Variants in CNTLN observed in about 807,000 individuals in gnomAD.
The protein encoded by CNTLN is centlein, centrosomal protein.
A neutral mutation model predicts 180.0 loss-of-function variants in CNTLN; 212 were observed. The observed-to-expected ratio is 1.18, with a 90% CI of 1.05 to 1.32. CNTLN has a LOEUF of 1.32. Ranked by LOEUF, CNTLN falls within the 40% of genes most tolerant of loss-of-function variation. The pLI is 0.00. For synonymous variants in CNTLN, 722 were observed against 563.1 expected, an observed-to-expected ratio of 1.28 and a Z score of -3.99; for missense variants, 2,095 against 1,610.9, an observed-to-expected ratio of 1.30 and a Z score of -5.14.
intron 18 of CNTLN, among the ~76,000 whole-genome samples, chr9:17,435,789 C>T (rs112818933): frequency 0.14 from 20,644 of 152,032 alleles, 1,673 homozygotes; most frequent in Non-Finnish European, 0.18. Flanking sequence ...TCTGAAACAC[C>T]CGACCTCAGG....
At chr9:17,368,444 CA>C (rs1824016427) in intron 13 of CNTLN, among the ~76,000 whole-genome samples, 1 of 152,182 alleles carries the variant, frequency 6.6e-6, no homozygotes, top group South Asian at 2.1e-4. Flanking sequence ...GGGAATGACA[CA>C]AGTCTGACTG....
chr9:17,346,572 T>A (rs1821918706), intron 12 of CNTLN, among the ~76,000 whole-genome samples: 1 of 152,248 alleles, frequency 6.6e-6, no homozygotes, highest in Admixed American at 6.5e-5. Context: ...GCCTCTATTG[T>A]TTCTGATGCA....
At chr9:17,458,785 G>A (rs760090574) in intron 19 of CNTLN, among the ~76,000 whole-genome samples, 1 of 151,844 alleles carries the variant, frequency 6.6e-6, no homozygotes, top group Non-Finnish European at 1.5e-5. Flanking sequence ...GTCAATTTAT[G>A]TGTATAACTT....
chr9:17,524,478 T>C, the CNTLN span, among the ~76,000 whole-genome samples: 9 of 152,232 alleles, frequency 5.9e-5, no homozygotes, highest in Non-Finnish European at 7.3e-5. Flanking sequence ...CAGTCTGCTT[T>C]ATTCAGTCTA....
chr9:17,457,585 A>C lies in CNTLN; in HGVS notation c.3176A>C (p.Glu1059Ala). The change falls in exon 19 of 26, where the codon GAG becomes GCG. Residue 1059 changes from glutamate (E) to alanine (A), a missense_variant. Coordinates refer to ENST00000380647, the MANE Select transcript of CNTLN (RefSeq NM_017738.4). ...KEKEDLLKKL[E>A]SSSEITSLAE... is the part of the protein sequence containing the mutation. ...AAAGAAGATTTACTAAAGAAATTGG[A>C]GTCCTCATCTGAAATCACAAGTTTG... 5.2e-6 allele frequency: 8 copies of C among 1,550,470 alleles called. No homozygotes were observed. Among genetic ancestry groups the C allele is most frequent in the Non-Finnish European group, 7.0e-6 (8 of 1,146,536 alleles).
chr9:17,396,422 A>G (rs370401663), intron 15 of CNTLN, among the ~76,000 whole-genome samples: 58 of 152,270 alleles, frequency 3.8e-4, no homozygotes, highest in South Asian at 3.7e-3. Flanking sequence ...AGGGAAGTTC[A>G]GTGTTGCCAT....
At chr9:17,370,389 A>G (rs757524093) in intron 13 of CNTLN, among the ~76,000 whole-genome samples, 1 of 152,182 alleles carries the variant, frequency 6.6e-6, no homozygotes, top group African/African-American at 2.4e-5. Flanking sequence ...AGGCTAGGAG[A>G]TAGTGGCATG....
intron 13 of CNTLN, among the ~76,000 whole-genome samples, chr9:17,370,437 C>T (rs1457591485): frequency 6.6e-6 from 1 of 152,124 alleles, no homozygotes; most frequent in South Asian, 2.1e-4. Flanking sequence ...CAACAACAGA[C>T]TTTTGCCCTG....
chr9:17,506,107 C>A (rs1833928495), downstream of CNTLN, among the ~76,000 whole-genome samples: 1 of 151,658 alleles, frequency 6.6e-6, no homozygotes, highest in South Asian at 2.1e-4. Context: ...TTGACCTAAA[C>A]CTCACACATC....
At chr9:17,432,667 G>T (rs1829485093) in intron 18 of CNTLN, among the ~76,000 whole-genome samples, 1 of 152,116 alleles carries the variant, frequency 6.6e-6, no homozygotes, top group Non-Finnish European at 1.5e-5. Context: ...CAGATCTTCA[G>T]TGTGTGCTGA....
chr9:17,201,303 G>C (rs1238249698), intron 2 of CNTLN, among the ~76,000 whole-genome samples: 1 of 152,044 alleles, frequency 6.6e-6, no homozygotes. Flanking sequence ...TCCTTTTTTT[G>C]TTGTGTCTCT....
At chr9:17,261,260 A>C (rs549767457) in intron 5 of CNTLN, among the ~76,000 whole-genome samples, 1 of 151,466 alleles carries the variant, frequency 6.6e-6, no homozygotes. Context: ...AGATTCCTTC[A>C]TGGAGTAGGG....
chr9:17,425,738 T>A (rs545328852), intron 18 of CNTLN, among the ~76,000 whole-genome samples: 1 of 152,228 alleles, frequency 6.6e-6, no homozygotes, highest in East Asian at 1.9e-4. Flanking sequence ...GATAAAATAT[T>A]TTTTTTAAAA....
At chr9:17,376,641 C>T (rs1454371350) in intron 13 of CNTLN, among the ~76,000 whole-genome samples, 5 of 151,764 alleles carry the variant, frequency 3.3e-5, no homozygotes, top group East Asian at 1.9e-4. Flanking sequence ...TTAGTAGAGA[C>T]GGGGTTTCAC....
intron 12 of CNTLN, among the ~76,000 whole-genome samples, chr9:17,345,133 T>C (rs1239111130): frequency 6.6e-6 from 1 of 152,178 alleles, no homozygotes; most frequent in Non-Finnish European, 1.5e-5. Context: ...CATTTGGGTT[T>C]TTTCTAGTTT....
chr9:17,432,774 C>G (rs1000732784), intron 18 of CNTLN, among the ~76,000 whole-genome samples: 4 of 152,086 alleles, frequency 2.6e-5, no homozygotes, highest in Non-Finnish European at 5.9e-5. Flanking sequence ...AATCTCAGCA[C>G]TTTGGAAGGC....
intron 18 of CNTLN, among the ~76,000 whole-genome samples, chr9:17,422,179 G>A (rs190597668): frequency 3.3e-5 from 5 of 152,180 alleles, no homozygotes; most frequent in Non-Finnish European, 5.9e-5. Flanking sequence ...TACGATAAAC[G>A]TTCTTTTCTT....
chr9:17,465,610 T>C (rs978216056), intron 21 of CNTLN, among the ~76,000 whole-genome samples: 1 of 151,018 alleles, frequency 6.6e-6, no homozygotes, highest in Non-Finnish European at 1.5e-5. Context: ...ATAGTTATTT[T>C]AGAGAATACA....
At chr9:17,315,694 C>T (rs368748614) in intron 8 of CNTLN, among the ~76,000 whole-genome samples, 13 of 151,812 alleles carry the variant, frequency 8.6e-5, no homozygotes, top group African/African-American at 2.7e-4. Context: ...TTTGCTTGAA[C>T]CTTGATGTTT....
Sources: allele counts gnomAD v4.1 joint callset (sites outside exome capture counted in the v4.1 genomes callset), GRCh38; gene constraint gnomAD v4.1.1; transcripts MANE v1.5; gene names NCBI Gene and HGNC (gene_info 2026-07-23, HGNC 2026-07-21).